ST6GALNAC3: variants seen among roughly 807,000 people sequenced by gnomAD.
The protein encoded by ST6GALNAC3 is alpha-N-acetylgalactosaminide alpha-2,6-sialyltransferase 3.
A neutral mutation model predicts 32.7 loss-of-function variants in ST6GALNAC3; 25 were observed. The observed-to-expected ratio is 0.76, with a 90% CI of 0.56 to 1.07. ST6GALNAC3 has a LOEUF of 1.07. Ranked by LOEUF, ST6GALNAC3 falls within the 50% of genes least tolerant of loss-of-function variation. The pLI, the probability that ST6GALNAC3 is intolerant of heterozygous loss-of-function variation, is 0.00. For synonymous variants in ST6GALNAC3, 129 were observed against 133.1 expected (o/e 0.97, Z 0.21); for missense variants, 355 against 382.4 (o/e 0.93, Z 0.60).
chr1:76,328,142 C>A (rs1347126403), intron 2 of ST6GALNAC3, among the ~76,000 whole-genome samples: 1 of 152,114 alleles, frequency 6.6e-6, no homozygotes, highest in Non-Finnish European at 1.5e-5. Flanking sequence ...GGCTCCAAAG[C>A]CCCAGGTTTT....
At chr1:76,350,491 A>C (rs570028975) in intron 2 of ST6GALNAC3, among the ~76,000 whole-genome samples, 1 of 152,216 alleles carries the variant, frequency 6.6e-6, no homozygotes, top group South Asian at 2.1e-4. Flanking sequence ...GAACATGAAA[A>C]TGTCTTTTGA....
chr1:76,139,172 C>T (rs1020181255), intron 1 of ST6GALNAC3, among the ~76,000 whole-genome samples: 7 of 150,258 alleles, frequency 4.7e-5, no homozygotes, highest in East Asian at 2.0e-4. Context: ...CCAGCCTGGG[C>T]GACAGAGCGA....
intron 3 of ST6GALNAC3, 128 bp downstream of exon 3, chr1:76,412,545 T>A (rs1401638825): frequency 1.3e-5 from 14 of 1,048,016 alleles, no homozygotes; most frequent in Non-Finnish European, 1.7e-5. Context: ...TTTTGACTAT[T>A]ATGATTACTT....
At chr1:76,502,103 C>T (rs1661211199) in intron 3 of ST6GALNAC3, among the ~76,000 whole-genome samples, 1 of 152,194 alleles carries the variant, frequency 6.6e-6, no homozygotes, top group Non-Finnish European at 1.5e-5. Context: ...CTCAGAGCCC[C>T]ACAGCAGCCT....
intron 3 of ST6GALNAC3, among the ~76,000 whole-genome samples, chr1:76,543,026 G>A (rs1270548331): frequency 1.3e-5 from 2 of 152,182 alleles, no homozygotes; most frequent in Admixed American, 6.5e-5. Flanking sequence ...TGCCTAAGCT[G>A]TAAACAGCTT....
At chr1:76,134,390 C>T (rs186183530) in intron 1 of ST6GALNAC3, among the ~76,000 whole-genome samples, 2 of 152,268 alleles carry the variant, frequency 1.3e-5, no homozygotes, top group East Asian at 1.9e-4. Flanking sequence ...TCACCTTTTC[C>T]AGGCCTGAAG....
At chr1:76,502,955 A>T (rs1465448168) in intron 3 of ST6GALNAC3, among the ~76,000 whole-genome samples, 2 of 152,238 alleles carry the variant, frequency 1.3e-5, no homozygotes, top group Non-Finnish European at 2.9e-5. Flanking sequence ...TAGGACTATT[A>T]TAAGGATGTG....
At chr1:76,091,211 A>G (rs1417002167) in intron 1 of ST6GALNAC3, among the ~76,000 whole-genome samples, 1 of 152,256 alleles carries the variant, frequency 6.6e-6, no homozygotes, top group Non-Finnish European at 1.5e-5. Context: ...AAGCAAGAAT[A>G]TCAGTCTGTT....
intron 3 of ST6GALNAC3, among the ~76,000 whole-genome samples, chr1:76,576,095 G>A (rs1455125484): frequency 1.3e-5 from 2 of 152,048 alleles, no homozygotes; most frequent in Admixed American, 6.6e-5. Context: ...GGAACAGGTG[G>A]CCAGTGCAGT....
chr1:76,207,507 C>G lies in ST6GALNAC3; in HGVS notation c.19-106298C>G, dbSNP rs1378616014. Among the ~76,000 whole-genome samples the G allele has an allele frequency of 2.0e-5, 3 of 152,202 alleles. No homozygotes were observed. In the East Asian group the frequency reaches 5.8e-4, roughly 29 times the overall value. On this transcript the variant is annotated intron_variant, in intron 1 of 4. Coordinates refer to ENST00000328299, the MANE Select transcript of ST6GALNAC3 (RefSeq NM_152996.4). ...CTCACAATTCTGGAGACTTGGAGGT[C>G]TAAAAGCATGGCACTGGCATCTGGT...
rs549399716 is a variant in ST6GALNAC3, at chr1:76,439,203, A to G, written c.623+26786A>G. ...TGTTGTCCAGGATAAGTGATCTCCA[A>G]GGGAGGGCATGAAATGGCACATATC... is the stretch of plus-strand genomic sequence containing the variant. On this transcript the variant is annotated intron_variant, in intron 3 of 4. Coordinates refer to ENST00000328299, the MANE Select transcript of ST6GALNAC3 (RefSeq NM_152996.4). 3.9e-5 allele frequency among the ~76,000 whole-genome samples: 6 copies of G among 152,302 alleles called. No individual in the cohort carries two copies. The East Asian group carries it at 1.2e-3, about 29-fold the overall frequency.
At chr1:76,370,425 C>T (rs1364549380) in intron 2 of ST6GALNAC3, among the ~76,000 whole-genome samples, 1 of 152,126 alleles carries the variant, frequency 6.6e-6, no homozygotes, top group Non-Finnish European at 1.5e-5. Context: ...TTTTCATCTT[C>T]AATGGTTAAT....
At chr1:76,432,976 CTTGTGACAAAAACCTT>C (rs2101456505) in intron 3 of ST6GALNAC3, among the ~76,000 whole-genome samples, 1 of 152,220 alleles carries the variant, frequency 6.6e-6, no homozygotes, top group Non-Finnish European at 1.5e-5. Context: ...TTGATTTCTC[CTTGTGACAAAAACCTT>C]TTGCCACCCC....
chr1:76,308,233 C>G (rs1357078318), intron 1 of ST6GALNAC3, among the ~76,000 whole-genome samples: 1 of 152,136 alleles, frequency 6.6e-6, no homozygotes, highest in Non-Finnish European at 1.5e-5. Flanking sequence ...GTGCTCAACA[C>G]TAGCTAATGT....
intron 3 of ST6GALNAC3, among the ~76,000 whole-genome samples, chr1:76,504,078 A>C (rs1661334100): frequency 6.6e-6 from 1 of 152,154 alleles, no homozygotes; most frequent in African/African-American, 2.4e-5. Context: ...AAACAACAGA[A>C]ATTTATTCTG....
chr1:76,178,616 C>G (rs1019319382), intron 1 of ST6GALNAC3, among the ~76,000 whole-genome samples: 3 of 152,004 alleles, frequency 2.0e-5, no homozygotes, highest in Admixed American at 2.0e-4. Flanking sequence ...AACTACTGAT[C>G]AAGATCAATA....
chr1:76,199,500 A>G (rs1654402167), intron 1 of ST6GALNAC3, among the ~76,000 whole-genome samples: 1 of 152,250 alleles, frequency 6.6e-6, no homozygotes, highest in South Asian at 2.1e-4. Context: ...TTATGATGTC[A>G]TGTAACTAAG....
chr1:76,360,898 G>T (rs556272708), intron 2 of ST6GALNAC3, among the ~76,000 whole-genome samples: 22 of 152,162 alleles, frequency 1.4e-4, no homozygotes, highest in African/African-American at 4.6e-4. Flanking sequence ...ATGTATTCCT[G>T]TTCACTTAAT....
rs371278598 is a variant in ST6GALNAC3, at chr1:76,564,041, A to G, written c.624-63411A>G. On this transcript the variant is annotated intron_variant, in intron 3 of 4. Coordinates refer to ENST00000328299, the MANE Select transcript of ST6GALNAC3 (RefSeq NM_152996.4). The stretch of plus-strand genomic sequence containing the variant: ...CCACATCCCCCTTTCTCCCACAAAG[A>G]CAATCATGCCAAGACAGTAGGCTGT... Among the ~76,000 whole-genome samples, 5 of 152,340 alleles carry G rather than the reference A, an allele frequency of 3.3e-5. No homozygotes were observed. In the East Asian group the frequency reaches 9.6e-4, roughly 29 times the overall value.
Sources: gnomAD v4.1 joint callset for allele counts (sites outside exome capture counted in the v4.1 genomes callset) on GRCh38, gnomAD v4.1.1 for gene constraint, MANE v1.5 for transcripts, NCBI Gene and HGNC (gene_info 2026-07-23, HGNC 2026-07-21) for gene names.